The following GNG7 variants were observed in gnomAD, a reference collection of about 807,000 sequenced individuals.
The protein encoded by GNG7 is G protein subunit gamma 7, also known as guanine nucleotide-binding protein G(I)/G(S)/G(O) subunit gamma-7.
In GNG7, 1 loss-of-function variant was observed where a neutral mutation model predicts 4.0. That is an observed-to-expected ratio of 0.25 (90% CI 0.09 to 1.18). The LOEUF is 1.18. GNG7 is among the 50% of genes most tolerant of loss of function. The probability of loss-of-function intolerance (pLI) is 0.50; values close to 1 mark genes in which losing one functional copy is unlikely to be tolerated. For synonymous variants in GNG7, 34 were observed against 36.9 expected (o/e 0.92, Z 0.29); for missense variants, 86 against 91.9 (o/e 0.94, Z 0.26).
intron 3 of GNG7, among the ~76,000 whole-genome samples, chr19:2,521,116 A>C (rs1978306136): frequency 6.6e-6 from 1 of 150,396 alleles, no homozygotes; most frequent in Non-Finnish European, 1.5e-5. Flanking sequence ...AAATACAAAA[A>C]TTAGCCAGGC....
chr19:2,521,429 G>A (rs1015356746), intron 3 of GNG7, among the ~76,000 whole-genome samples: 6 of 152,112 alleles, frequency 3.9e-5, no homozygotes, highest in African/African-American at 1.4e-4. Context: ...ATCTGTGGCT[G>A]TGGGGGGTGC....
At chr19:2,572,411 A>C (rs1980174529) in intron 2 of GNG7, among the ~76,000 whole-genome samples, 1 of 151,722 alleles carries the variant, frequency 6.6e-6, no homozygotes. Flanking sequence ...TGCAACCATC[A>C]ACACTACGTA....
chr19:2,578,843 G>A (rs1367135772), intron 2 of GNG7, among the ~76,000 whole-genome samples: 1 of 152,212 alleles, frequency 6.6e-6, no homozygotes, highest in Admixed American at 6.5e-5. Flanking sequence ...AGGATTTTAA[G>A]GTCACAGAGC....
chr19:2,532,871 T>C (rs1978638600), intron 3 of GNG7, among the ~76,000 whole-genome samples: 1 of 152,192 alleles, frequency 6.6e-6, no homozygotes, highest in African/African-American at 2.4e-5. Context: ...ACAACCACCA[T>C]GGAAAATGGC....
chr19:2,696,346 G>GA (rs368532044), intron 1 of GNG7, among the ~76,000 whole-genome samples: 4 of 104,410 alleles, frequency 3.8e-5, no homozygotes, highest in African/African-American at 1.5e-4. Flanking sequence ...AAGAAAGAAA[G>GA]AAAAGAAAGA....
intron 1 of GNG7, among the ~76,000 whole-genome samples, chr19:2,674,340 A>G (rs1466695113): frequency 1.3e-5 from 2 of 152,244 alleles, no homozygotes. Context: ...AAATATACAA[A>G]AGCAGTACAA....
intron 2 of GNG7, among the ~76,000 whole-genome samples, chr19:2,573,662 G>A (rs982282751): frequency 2.6e-5 from 4 of 151,900 alleles, no homozygotes; most frequent in African/African-American, 9.7e-5. Flanking sequence ...CTTGTTCACG[G>A]CGAAACCCCG....
chr19:2,682,899 G>A (rs141188043), intron 1 of GNG7, among the ~76,000 whole-genome samples: 105 of 151,994 alleles, frequency 6.9e-4, no homozygotes, highest in African/African-American at 2.5e-3. Flanking sequence ...TCAAATAACA[G>A]TCTACTGCAT....
At chr19:2,576,569 C>G (rs781185398) in intron 2 of GNG7, among the ~76,000 whole-genome samples, 1 of 151,432 alleles carries the variant, frequency 6.6e-6, no homozygotes, top group African/African-American at 2.5e-5. Context: ...ATTTAAGAAA[C>G]AGGGGTCTTG....
rs200618508 is a variant in GNG7 at position 2,673,283 on chromosome 19, C to CA, written c.-134-27004dup. On this transcript the variant is annotated intron_variant, in intron 1 of 4. Coordinates refer to ENST00000382159, the MANE Select transcript of GNG7 (RefSeq NM_052847.3). ...AAAAAAAAAACAAAACAAAACAAAACAAAACAAAAAAAAACCCAGCAGGTC... is the reference window on the plus strand; with the variant it reads ...AAAAAAAAAACAAAACAAAACAAAACAAAAACAAAAAAAAACCCAGCAGGTC... Among the ~76,000 whole-genome samples, 47 of 131,034 alleles carry CA rather than the reference C, an allele frequency of 3.6e-4. No individual in the cohort carries two copies. The East Asian group carries it at 6.0e-3, about 17-fold the overall frequency. 86.0% of individuals were successfully genotyped at this position (131,034 alleles called of 152,430 possible). A position where few individuals can be genotyped will look rare whatever the true frequency, so the allele number is the denominator to read the frequency against.
chr19:2,547,516 C>G (rs191862634), intron 3 of GNG7, among the ~76,000 whole-genome samples: 5 of 152,130 alleles, frequency 3.3e-5, no homozygotes, highest in Admixed American at 6.5e-5. Flanking sequence ...TGCGCCCCCC[C>G]ACCCCGGATC....
intron 2 of GNG7, among the ~76,000 whole-genome samples, chr19:2,620,738 G>A (rs147052693): frequency 0.014 from 2,159 of 152,198 alleles, 52 homozygotes; most frequent in African/African-American, 0.049. Flanking sequence ...CTACTTGGGA[G>A]GTTGAGGCAG....
chr19:2,666,202 T>G (rs1983306334), intron 1 of GNG7, among the ~76,000 whole-genome samples: 1 of 151,814 alleles, frequency 6.6e-6, no homozygotes. Flanking sequence ...GACAGAGTCT[T>G]GCTCTTGTCG....
chr19:2,673,278 C>A (rs139806881), intron 1 of GNG7, among the ~76,000 whole-genome samples: 9,634 of 124,856 alleles, frequency 0.077, 487 homozygotes, highest in Middle Eastern at 0.17. Flanking sequence ...CAAAACAAAA[C>A]AAAACAAAAC....
rs913300184 is a variant in GNG7, at chr19:2,614,386, C to T, written c.-78+31838G>A. Among the ~76,000 whole-genome samples, 1 of 152,204 alleles carries T rather than the reference C, an allele frequency of 6.6e-6. No individual in the cohort carries two copies. Among genetic ancestry groups the T allele is most frequent in the Non-Finnish European group, 1.5e-5 (1 of 68,040 alleles). Reference sequence around the variant, plus strand: ...GCATTCGTGCAGCCATCATCTCTAGCTAGCTCTAGAACATTCTCAGCCCCC... The same window carrying T: ...GCATTCGTGCAGCCATCATCTCTAGTTAGCTCTAGAACATTCTCAGCCCCC... On this transcript the variant is annotated intron_variant, in intron 2 of 4. Transcript: ENST00000382159. This position sits in a 1 kb window ranked among gnomAD's most constrained non-coding sequence, Gnocchi z 6.0.
At chr19:2,624,526 C>T (rs1217485481) in intron 2 of GNG7, among the ~76,000 whole-genome samples, 2 of 115,184 alleles carry the variant, frequency 1.7e-5, no homozygotes, top group Non-Finnish European at 3.4e-5. Flanking sequence ...GAGACTCCGT[C>T]TCAAAAAAAA....
At chr19:2,531,889 C>T (rs985094310) in intron 3 of GNG7, among the ~76,000 whole-genome samples, 3 of 152,050 alleles carry the variant, frequency 2.0e-5, no homozygotes, top group East Asian at 1.9e-4. Context: ...CGGTGGCTCA[C>T]GCCTGTAATC....
chr19:2,603,204 T>C (rs1298939999), intron 2 of GNG7, among the ~76,000 whole-genome samples: 1 of 152,038 alleles, frequency 6.6e-6, no homozygotes, highest in Non-Finnish European at 1.5e-5. Context: ...GTAGCTGGGA[T>C]TACAGGTGCG....
chr19:2,550,683 T>C (rs1979288684), intron 3 of GNG7, among the ~76,000 whole-genome samples: 1 of 152,066 alleles, frequency 6.6e-6, no homozygotes, highest in African/African-American at 2.4e-5. Flanking sequence ...GTCTCGTGAC[T>C]CCAATCCCGC....
Sources: allele counts gnomAD v4.1 joint callset (sites outside exome capture counted in the v4.1 genomes callset), GRCh38; gene constraint gnomAD v4.1.1; non-coding constraint Gnocchi (gnomAD v3.1); transcripts MANE v1.5; gene names NCBI Gene and HGNC (gene_info 2026-07-23, HGNC 2026-07-21).